The following PVALB variants were observed in gnomAD, a reference collection of about 807,000 sequenced individuals.
PVALB encodes the protein parvalbumin.
A neutral mutation model predicts 10.9 loss-of-function variants in PVALB; 11 were observed. The ratio of observed to expected loss-of-function variants is 1.01; its 90% confidence interval spans 0.63 to 1.67. The LOEUF (loss-of-function observed/expected upper bound fraction) is 1.67. Ranked by LOEUF, PVALB falls within the 40% of genes most tolerant of loss-of-function variation. The probability of loss-of-function intolerance (pLI) is 0.00; values close to 1 mark genes in which losing one functional copy is unlikely to be tolerated. For missense variants in PVALB, 131 were observed against 136.2 expected (o/e 0.96, Z 0.19); for synonymous variants, 57 against 50.7 (o/e 1.12, Z -0.53).
chr22:36,804,173 G>A (rs1228536582), intron 3 of PVALB, among the ~76,000 whole-genome samples: 2 of 152,176 alleles, frequency 1.3e-5, no homozygotes, highest in African/African-American at 2.4e-5. Flanking sequence ...CCTCACTCTG[G>A]AAATTATGGG....
At chr22:36,813,081 T>C (rs1423711442) in intron 3 of PVALB, among the ~76,000 whole-genome samples, 2 of 152,248 alleles carry the variant, frequency 1.3e-5, no homozygotes, top group Non-Finnish European at 2.9e-5. Context: ...TTCCTGGCTC[T>C]GCTGCAAGGC....
chr22:36,812,505 C>T (rs933572111), intron 3 of PVALB, among the ~76,000 whole-genome samples: 1 of 152,242 alleles, frequency 6.6e-6, no homozygotes, highest in Admixed American at 6.5e-5. Context: ...GTGCCAGACA[C>T]TGTTCTAGGC....
upstream of PVALB, among the ~76,000 whole-genome samples, chr22:36,817,949 C>T (rs916946840): frequency 1.8e-4 from 27 of 152,226 alleles, no homozygotes; most frequent in Non-Finnish European, 7.4e-5. Flanking sequence ...ACCACACTTT[C>T]TAGACAACCT....
chr22:36,815,759 G>A (rs79274387), intron 1 of PVALB, among the ~76,000 whole-genome samples: 4,202 of 152,192 alleles, frequency 0.028, 88 homozygotes, highest in Non-Finnish European at 0.04. Flanking sequence ...GGGCAAACCC[G>A]GAAGTCCTGG....
rs1005358733 is a variant in PVALB, at chr22:36,816,865, C to T, written c.61+80G>A. ...CAGAAGCGCGCTGGGGAGGATCCGC[C>T]GGCTGCGGGGCCGGCGGAGTGCAGG... On this transcript the variant is annotated intron_variant, in intron 1 of 3. Transcript: ENST00000417718. 1.8e-5 allele frequency: 23 copies of T among 1,292,300 alleles called. No homozygotes were observed. In the East Asian group the frequency reaches 5.4e-4, roughly 31 times the overall value. 80.1% of individuals were successfully genotyped at this position (1,292,300 alleles called of 1,614,324 possible). A position where few individuals can be genotyped will look rare whatever the true frequency, so the allele number is the denominator to read the frequency against.
At chr22:36,801,004 T>G in intron 3 of PVALB, 86 bp from the exon 4 acceptor site, 2 of 1,349,128 alleles carry the variant, frequency 1.5e-6, no homozygotes. Context: ...CCCTGGGTGG[T>G]GCTCTCTCTG....
At chr22:36,810,580 G>T (rs1191333303) in intron 3 of PVALB, among the ~76,000 whole-genome samples, 1 of 152,152 alleles carries the variant, frequency 6.6e-6, no homozygotes, top group African/African-American at 2.4e-5. Context: ...CATGCTGTTG[G>T]GTTTGAATCC....
At chr22:36,810,623 C>T (rs1939031585) in intron 3 of PVALB, among the ~76,000 whole-genome samples, 1 of 152,210 alleles carries the variant, frequency 6.6e-6, no homozygotes, top group African/African-American at 2.4e-5. Context: ...TGTGACCTTG[C>T]ACTCACTCCC....
intron 3 of PVALB, among the ~76,000 whole-genome samples, 199 bp from the exon 4 acceptor site, chr22:36,801,117 G>A (rs1938856987): frequency 6.6e-6 from 1 of 152,104 alleles, no homozygotes; most frequent in Non-Finnish European, 1.5e-5. Flanking sequence ...GGGAAATGAT[G>A]GGCCTACCAC....
intron 3 of PVALB, among the ~76,000 whole-genome samples, chr22:36,803,979 T>C (rs776093702): frequency 6.6e-5 from 10 of 152,172 alleles, no homozygotes; most frequent in Admixed American, 1.3e-4. Flanking sequence ...GGCAGAAGCA[T>C]GAACCCTCTA....
At chr22:36,819,210 G>T (rs776554667), upstream of PVALB, among the ~76,000 whole-genome samples, 1 of 152,138 alleles carries the variant, frequency 6.6e-6, no homozygotes, top group Non-Finnish European at 1.5e-5. Flanking sequence ...GCCACGGGGG[G>T]CGGTGGGTGG....
In PVALB at chr22:36,815,218, G is replaced by T; in HGVS notation, c.79C>A (p.His27Asn). The part of the protein sequence containing the change: ...GAFSATDSFD[H>N]KKFFQMVGLK... ...CCGACCATTTGGAAGAACTTTTTGTGGTCGAAGGAGTCGGTAGCTGTGGGG... is the reference window on the plus strand; with the variant it reads ...CCGACCATTTGGAAGAACTTTTTGTTGTCGAAGGAGTCGGTAGCTGTGGGG... Residue 27 changes from histidine (H) to asparagine (N), a missense_variant, in exon 2 of 4, where the codon CAC (histidine) becomes AAC (asparagine). Physicochemically the swap from His to Asn is moderately conservative, Grantham distance 68 (BLOSUM62 1). Transcript: ENST00000417718. The T allele has an allele frequency of 6.2e-7, 1 of 1,614,160 alleles. No individual in the cohort carries two copies. The highest frequency in any genetic ancestry group is 8.5e-7 in the Non-Finnish European group (1 of 1,180,008).
intron 2 of PVALB, 38 bp downstream of exon 2, chr22:36,815,065 A>T (rs1160817077): frequency 3.7e-6 from 6 of 1,611,060 alleles, no homozygotes; most frequent in Non-Finnish European, 5.1e-6. Flanking sequence ...CCTCTCGTGC[A>T]GCCGTGGGCT....
chr22:36,813,653 C>T lies in PVALB; in HGVS notation c.297G>A (p.Gly99=). ...AGDKDGDGKI[G]VDEFSTLVAE... ...CAGGTCACGGCTACCCACCGTCAAC[C>T]CCAATTTTGCCGTCCCCATCTTTGT... is the stretch of plus-strand genomic sequence containing the variant. Residue 99 remains glycine (G), a synonymous_variant, in exon 3 of 4, where the codon GGG becomes GGA. Transcript: ENST00000417718. The T allele has an allele frequency of 6.2e-7, 1 of 1,613,504 alleles. No homozygotes were observed. Among genetic ancestry groups the T allele is most frequent in the Non-Finnish European group, 8.5e-7 (1 of 1,179,436 alleles).
chr22:36,809,246 G>A (rs1038908263), intron 3 of PVALB, among the ~76,000 whole-genome samples: 4 of 152,132 alleles, frequency 2.6e-5, no homozygotes, highest in African/African-American at 9.7e-5. Flanking sequence ...CCAGAGCTGG[G>A]TACTTGTTCA....
At chr22:36,811,170 G>A (rs972788865) in intron 3 of PVALB, among the ~76,000 whole-genome samples, 9 of 152,274 alleles carry the variant, frequency 5.9e-5, no homozygotes, top group African/African-American at 2.2e-4. Flanking sequence ...CAGCTACTCA[G>A]GAGGCTGGGG....
At position 36,800,857 on chromosome 22, in the gene PVALB, G is replaced by C. The variant is rs1400244229; in HGVS notation, c.*33C>G. The stretch of plus-strand genomic sequence containing the variant: ...GGGCCGAGATTGGGTGTTCAGGGCA[G>C]AGAGGTGGAAGACCAGGGGCAGTCA... On this transcript the variant is annotated 3_prime_UTR_variant, in exon 4 of 4. Coordinates refer to ENST00000417718, the MANE Select transcript of PVALB (RefSeq NM_001315532.2). The C allele has an allele frequency of 1.3e-6, 2 of 1,588,862 alleles. No homozygotes were observed. Among genetic ancestry groups the C allele is most frequent in the South Asian group, 1.1e-5 (1 of 90,558 alleles).
intron 3 of PVALB, among the ~76,000 whole-genome samples, chr22:36,809,061 C>G (rs1939006863): frequency 6.6e-6 from 1 of 152,198 alleles, no homozygotes; most frequent in Non-Finnish European, 1.5e-5. Context: ...CTTCAAGAAA[C>G]TGATAAGTAT....
intron 3 of PVALB, among the ~76,000 whole-genome samples, chr22:36,806,560 G>C (rs144463287): frequency 3.1e-4 from 47 of 152,272 alleles, no homozygotes; most frequent in Admixed American, 4.6e-4. Flanking sequence ...TGATGACCGG[G>C]ATGAAGGAGC....
Sources: allele counts gnomAD v4.1 joint callset (sites outside exome capture counted in the v4.1 genomes callset), GRCh38; gene constraint gnomAD v4.1.1; transcripts MANE v1.5; gene names NCBI Gene and HGNC (gene_info 2026-07-23, HGNC 2026-07-21).